STARD8: variants seen among roughly 807,000 people sequenced by gnomAD.
The protein encoded by STARD8 is stAR-related lipid transfer protein 8.
A neutral mutation model predicts 69.4 loss-of-function variants in STARD8; 25 were observed. That is an observed-to-expected ratio of 0.36 (90% CI 0.26 to 0.50). The LOEUF (loss-of-function observed/expected upper bound fraction) is 0.50, where lower values mean the gene tolerates loss of function less well. Among genes scored for constraint, STARD8 ranks in the 20% least tolerant of loss-of-function variants. STARD8 has a pLI of 0.96. For missense variants in STARD8, 921 were observed against 932.5 expected, an observed-to-expected ratio of 0.99 and a Z score of 0.16; for synonymous variants, 389 against 374.6, an observed-to-expected ratio of 1.04 and a Z score of -0.45.
At chrX:68,653,189 C>A (rs772903028) in intron 1 of STARD8, among the ~76,000 whole-genome samples, 2 of 53,437 alleles carry the variant, frequency 3.7e-5, no homozygotes, top group Non-Finnish European at 6.7e-5. Context: ...ACACAGCACA[C>A]ACACATCACA....
In STARD8 at chrX:68,662,132, T is replaced by G. The variant is rs374295567; in HGVS notation, c.46-3367T>G. 1.3e-4 allele frequency among the ~76,000 whole-genome samples: 14 copies of G among 109,948 alleles called. 1 individual carries two copies. Among genetic ancestry groups the G allele is most frequent in the Admixed American group, 9.8e-4 (10 of 10,166 alleles). ...AAGTGATTCTCCTGCCTCAGCCTCC[T>G]GAGTAGCTGGGATTGTAGGCATGTG... On this transcript the variant is annotated intron_variant, in intron 1 of 14. Coordinates refer to ENST00000374599, the MANE Select transcript of STARD8 (RefSeq NM_001142503.3).
intron 2 of STARD8, among the ~76,000 whole-genome samples, chrX:68,690,455 C>T (rs1365597785): frequency 9.1e-6 from 1 of 109,880 alleles, no homozygotes; most frequent in Non-Finnish European, 1.9e-5. Context: ...TGTTGGGAGT[C>T]CTCAGGTAGG....
chrX:68,694,552 CTG>C (rs917727099), intron 2 of STARD8, among the ~76,000 whole-genome samples: 12 of 111,626 alleles, frequency 1.1e-4, no homozygotes, highest in African/African-American at 3.9e-4. Context: ...ACTCAGGAAA[CTG>C]GGGTTCAGCC....
intron 2 of STARD8, among the ~76,000 whole-genome samples, chrX:68,704,114 C>G (rs1245445933): frequency 9.0e-6 from 1 of 111,306 alleles, no homozygotes; most frequent in Non-Finnish European, 1.9e-5. Flanking sequence ...AACACAAAGA[C>G]CAAAAGTACC....
At chrX:68,658,899 A>G (rs1020295466) in intron 1 of STARD8, among the ~76,000 whole-genome samples, 29 of 112,618 alleles carry the variant, frequency 2.6e-4, no homozygotes, top group Non-Finnish European at 4.9e-4. Context: ...GCCAAGGGGC[A>G]GGGGAAAGGA....
chrX:68,712,233 C>A (rs1320721966), intron 2 of STARD8, among the ~76,000 whole-genome samples: 1 of 111,731 alleles, frequency 9.0e-6, no homozygotes, highest in East Asian at 2.8e-4. Flanking sequence ...TGGGGCAGTA[C>A]TGGGAAGCTC....
chrX:68,683,072 C>T (rs992347847), intron 2 of STARD8, among the ~76,000 whole-genome samples: 1 of 112,299 alleles, frequency 8.9e-6, no homozygotes, highest in Non-Finnish European at 1.9e-5. Context: ...CATGGCTCAG[C>T]CCCAGGATTA....
chrX:68,651,749 T>C (rs953612449), intron 1 of STARD8, among the ~76,000 whole-genome samples: 1 of 110,829 alleles, frequency 9.0e-6, no homozygotes. Flanking sequence ...ATACTAGCTG[T>C]GTGCCTTCGA....
At chrX:68,677,433 T>C (rs763021327) in intron 2 of STARD8, among the ~76,000 whole-genome samples, 5 of 111,959 alleles carry the variant, frequency 4.5e-5, no homozygotes, top group African/African-American at 1.6e-4. Flanking sequence ...TGTAAGCATC[T>C]TTGAAACAGA....
intron 2 of STARD8, among the ~76,000 whole-genome samples, chrX:68,679,984 T>C (rs1298197377): frequency 8.9e-6 from 1 of 112,065 alleles, no homozygotes; most frequent in African/African-American, 3.2e-5. Flanking sequence ...TGTGCACCCC[T>C]ATCTGTTCAA....
At chrX:68,673,653 A>C (rs960817487) in intron 2 of STARD8, among the ~76,000 whole-genome samples, 11 of 112,353 alleles carry the variant, frequency 9.8e-5, no homozygotes, top group Non-Finnish European at 1.7e-4. Context: ...CCAGGGTAAA[A>C]GTGTGGATCA....
chrX:68,647,856 G>A lies in STARD8; in HGVS notation c.-27G>A, dbSNP rs770964305. 1.1e-4 allele frequency: 129 copies of A among 1,190,477 alleles called. No homozygotes were observed. The highest frequency in any genetic ancestry group is 1.4e-4 in the Non-Finnish European group (124 of 885,508). On this transcript the variant is annotated 5_prime_UTR_variant, in exon 1 of 15. Coordinates refer to ENST00000374599, the MANE Select transcript of STARD8 (RefSeq NM_001142503.3). ...AGCCGGTGCCCGGCACAGCCCCGCC[G>A]GCCCTAGAAGCTCCCCACGCGCCAC...
chrX:68,718,377 C>A lies in STARD8; in HGVS notation c.1463C>A (p.Ala488Asp). The change falls in exon 6 of 15, where the codon GCC becomes GAC. Residue 488 changes from alanine to aspartate, a missense_variant. By Grantham distance (126) the Ala-to-Asp change is moderately radical (BLOSUM62 -2). Coordinates refer to ENST00000374599, the MANE Select transcript of STARD8 (RefSeq NM_001142503.3). ...GAAGAGGCTGAGGCCCCGGCCCCAGCCCCGGCCCCGGCCCCAGCCCAGGAC... is the reference window on the plus strand; with the variant it reads ...GAAGAGGCTGAGGCCCCGGCCCCAGACCCGGCCCCGGCCCCAGCCCAGGAC... The part of the protein sequence containing the change: ...AQEEAEAPAP[A>D]PAPAPAQDSE... The A allele has an allele frequency of 2.5e-6, 3 of 1,204,253 alleles. No individual in the cohort carries two copies. The South Asian group carries it at 5.4e-5, about 22-fold the overall frequency.
intron 1 of STARD8, among the ~76,000 whole-genome samples, chrX:68,649,269 G>A (rs2079533041): frequency 9.0e-6 from 1 of 111,664 alleles, no homozygotes; most frequent in Non-Finnish European, 1.9e-5. Context: ...CCTGGCAGAG[G>A]GAACTTCGTG....
chrX:68,720,899 TC>T (rs1284093847), intron 8 of STARD8, 24 bp from the exon 9 acceptor site: 5 of 1,190,293 alleles, frequency 4.2e-6, no homozygotes, highest in Non-Finnish European at 5.7e-6. Context: ...TTTTCCTCAC[TC>T]CCTCCCTCCC....
intron 1 of STARD8, 137 bp downstream of exon 1, chrX:68,648,064 T>C: frequency 1.3e-6 from 1 of 767,755 alleles, no homozygotes; most frequent in Non-Finnish European, 1.9e-6. Flanking sequence ...TAGAAAGGCT[T>C]GGGTTCAAGT....
At chrX:68,664,276 G>A (rs1166721849) in intron 1 of STARD8, among the ~76,000 whole-genome samples, 4 of 110,379 alleles carry the variant, frequency 3.6e-5, no homozygotes, top group African/African-American at 1.3e-4. Flanking sequence ...TACCATTTTA[G>A]CCCAAGCCAC....
chrX:68,719,430 A>G (rs2080128375), intron 7 of STARD8, 32 bp downstream of exon 7: 1 of 1,129,079 alleles, frequency 8.9e-7, no homozygotes, highest in East Asian at 3.2e-5. Context: ...GAGGGTGGGG[A>G]ACTGCTGACT....
At chrX:68,674,822 G>C (rs1038723115) in intron 2 of STARD8, among the ~76,000 whole-genome samples, 2 of 108,050 alleles carry the variant, frequency 1.9e-5, no homozygotes, top group African/African-American at 6.8e-5. Context: ...TTGCTCTGTT[G>C]CCCAGGCTGG....
Sources: allele counts gnomAD v4.1 joint callset (sites outside exome capture counted in the v4.1 genomes callset), GRCh38; gene constraint gnomAD v4.1.1; transcripts MANE v1.5; gene names NCBI Gene and HGNC (gene_info 2026-07-23, HGNC 2026-07-21).